CUL9: variants seen among roughly 807,000 people sequenced by gnomAD.
CUL9 encodes the protein cullin-9.
Under a neutral mutation model 272.6 loss-of-function variants are expected in CUL9, and 79 were observed. That is an observed-to-expected ratio of 0.29 (90% CI 0.24 to 0.35). The LOEUF (loss-of-function observed/expected upper bound fraction) is 0.35. Ranked by LOEUF, CUL9 falls within the 10% of genes least tolerant of loss-of-function variation. The probability of loss-of-function intolerance (pLI) is 1.00; values close to 1 mark genes in which losing one functional copy is unlikely to be tolerated. For synonymous variants in CUL9, 1,186 were observed against 1,286.5 expected, an observed-to-expected ratio of 0.92 and a Z score of 1.67; for missense variants, 2,532 against 3,255.6, an observed-to-expected ratio of 0.78 and a Z score of 5.41.
chr6:43,203,154 C>G lies in CUL9; in HGVS notation c.3799C>G (p.Leu1267Val). ...SASRVILLEN[L>V]NRFWPIIQIR... ...CAGCCGGGTGATCCTCTTGGAGAAC[C>G]TGAACCGCTTCTGGCCCATCATCCA... Residue 1267 changes from leucine to valine, a missense_variant, in exon 18 of 41, where the codon CTG (leucine) becomes GTG (valine). Physicochemically the swap from Leu to Val is conservative, Grantham distance 32. Transcript: ENST00000252050. The surrounding 1 kb of genome is among the most constrained non-coding windows in gnomAD (Gnocchi z 5.0). 6.2e-7 allele frequency: 1 copy of G among 1,614,012 alleles called. No individual in the cohort carries two copies. Among genetic ancestry groups the G allele is most frequent in the South Asian group, 1.1e-5 (1 of 91,062 alleles).
chr6:43,221,421 A>C lies in CUL9; in HGVS notation c.6752+100A>C, dbSNP rs113351105. ...GGCTTAGTGTAAAGCTCAGCAAAAG[A>C]GGGTGGTTCCTCAGCCGCCCCTCAC... On this transcript the variant is annotated intron_variant, in intron 34 of 40. Transcript: ENST00000252050. This position sits in a 1 kb window ranked among gnomAD's most constrained non-coding sequence, Gnocchi z 4.2. 2.2e-5 allele frequency: 31 copies of C among 1,399,780 alleles called. 1 individual carries two copies. The African/African-American group carries it at 2.6e-4, about 12-fold the overall frequency. The allele number at this position is 1,399,780 out of a possible 1,614,324, so 86.7% of individuals were successfully genotyped here.
intron 30 of CUL9, 91 bp downstream of exon 30, chr6:43,215,417 C>A: frequency 6.8e-7 from 1 of 1,480,876 alleles, no homozygotes; most frequent in South Asian, 1.4e-5. Flanking sequence ...TCCCTTCTTT[C>A]TTTGTCTGAT....
chr6:43,191,252 T>TTGTGTGTGTGTG (rs58122260), intron 8 of CUL9, among the ~76,000 whole-genome samples: 1,357 of 126,948 alleles, frequency 0.011, 27 homozygotes, highest in African/African-American at 0.028. Context: ...CTAAATTGCA[T>TTGTGTGTGTGTG]TGTGTGTGTG....
Position 43,216,388 on chromosome 6 carries a change from G to A in CUL9, c.6167G>A (p.Cys2056Tyr). ...CCACTGCTGCTGGCAGCTGGGCTGT[G>A]CGTACACCAGGCTCAGGCTGTACCC... ...PEPLLLAAGL[C>Y]VHQAQAVPVR... The change falls in exon 31 of 41, where the codon TGC (cysteine) becomes TAC (tyrosine). Residue 2056 changes from cysteine (C) to tyrosine (Y), a missense_variant. Cys to Tyr is a radical substitution (Grantham distance 194, BLOSUM62 -2). This residue lies in a region of CUL9 where 2,218 missense variants were observed against 2,788.6 expected (regional missense o/e 0.80). Coordinates refer to ENST00000252050, the MANE Select transcript of CUL9 (RefSeq NM_015089.4). 1 of 1,614,126 alleles carries A rather than the reference G, an allele frequency of 6.2e-7. No homozygotes were observed. The highest frequency in any genetic ancestry group is 1.3e-5 in the African/African-American group (1 of 75,048).
At position 43,221,896 on chromosome 6, in the gene CUL9, AG is replaced by A; in HGVS notation, c.6846+119del. 1.1e-6 allele frequency: 1 copy of A among 877,876 alleles called. No individual in the cohort carries two copies. Among genetic ancestry groups the A allele is most frequent in the Non-Finnish European group, 1.7e-6 (1 of 574,994 alleles). 54.4% of individuals were successfully genotyped at this position (877,876 alleles called of 1,614,324 possible). A position where few individuals can be genotyped will look rare whatever the true frequency, so the allele number is the denominator to read the frequency against. On this transcript the variant is annotated intron_variant, in intron 35 of 40. Coordinates refer to ENST00000252050, the MANE Select transcript of CUL9 (RefSeq NM_015089.4). The surrounding 1 kb of genome is among the most constrained non-coding windows in gnomAD (Gnocchi z 4.2). ...AGTGCAGCATTCTAGCTGTTGGGAT[AG>A]AGGCTCACTGTGGGGAAGACAGAGC...
At position 43,186,031 on chromosome 6, in the gene CUL9, G is replaced by A. The variant is rs1343824605; in HGVS notation, c.827G>A (p.Ser276Asn). The part of the protein sequence containing the change: ...VTSLLDQLNS[S>N]PELGAGDQSS... ...TCCCTCCTGGATCAGCTGAATAGCA[G>A]TCCAGAGCTGGGAGCTGGAGACCAA... The change falls in exon 4 of 41, where the codon AGT becomes AAT. Residue 276 changes from serine (S) to asparagine (N), a missense_variant. Physicochemically the swap from Ser to Asn is conservative, Grantham distance 46. Around this residue, in one of 3 missense-constraint regions of CUL9, gnomAD observed 2,218 missense variants for 2,788.6 expected, o/e 0.80. Coordinates refer to ENST00000252050, the MANE Select transcript of CUL9 (RefSeq NM_015089.4). The A allele has an allele frequency of 1.2e-6, 2 of 1,614,262 alleles. No homozygotes were observed. Among genetic ancestry groups the A allele is most frequent in the Non-Finnish European group, 8.5e-7 (1 of 1,180,052 alleles).
chr6:43,194,711 C>T (rs573602933), intron 9 of CUL9, among the ~76,000 whole-genome samples: 2 of 152,174 alleles, frequency 1.3e-5, no homozygotes, highest in South Asian at 2.1e-4. Flanking sequence ...TCTCAAATTA[C>T]GTGACCAAAA....
Position 43,221,062 on chromosome 6 carries a change from C to T in CUL9, c.6589-96C>T. On this transcript the variant is annotated intron_variant, in intron 33 of 40. Coordinates refer to ENST00000252050, the MANE Select transcript of CUL9 (RefSeq NM_015089.4). The surrounding 1 kb of genome is among the most constrained non-coding windows in gnomAD (Gnocchi z 4.2). ...CTCTGTTCCTCTTCCTGGAGCCCTC[C>T]AAATGTGATCTGTGCCTGCTCCCCT... The T allele has an allele frequency of 6.7e-7, 1 of 1,497,360 alleles. No individual in the cohort carries two copies. The highest frequency in any genetic ancestry group is 1.3e-5 in the South Asian group (1 of 78,526). 92.8% of individuals were successfully genotyped at this position (1,497,360 alleles called of 1,614,324 possible).
rs1776383657 is a variant in CUL9 at position 43,221,728 on chromosome 6, C to T, written c.6796C>T (p.Leu2266Phe). The T allele has an allele frequency of 6.2e-7, 1 of 1,613,722 alleles. No individual in the cohort carries two copies. Among genetic ancestry groups the T allele is most frequent in the African/African-American group, 1.3e-5 (1 of 74,946 alleles). ...TAACCATGGATTCTGCTGGCGCTGC[C>T]TCAAGTCCTGGAAGCCAAATCACAA... ...KCNHGFCWRC[L>F]KSWKPNHKDY... Residue 2266 changes from leucine to phenylalanine, a missense_variant, in exon 35 of 41, where the codon CTC (leucine) becomes TTC (phenylalanine). Leu to Phe is a conservative substitution (Grantham distance 22, BLOSUM62 0). This residue lies in a region of CUL9 where 77 missense variants were observed against 161.1 expected (regional missense o/e 0.48). Coordinates refer to ENST00000252050, the MANE Select transcript of CUL9 (RefSeq NM_015089.4). The surrounding 1 kb of genome is among the most constrained non-coding windows in gnomAD (Gnocchi z 4.2).
chr6:43,201,695 G>A (rs1038464570), intron 16 of CUL9, among the ~76,000 whole-genome samples: 17 of 152,282 alleles, frequency 1.1e-4, no homozygotes, highest in African/African-American at 3.4e-4. Flanking sequence ...TAGTCAGGAT[G>A]GTCTCGATCT....
chr6:43,189,019 T>C, intron 8 of CUL9: 1 of 225,804 alleles, frequency 4.4e-6, no homozygotes, highest in East Asian at 9.5e-5. Flanking sequence ...GCTTAGAGAA[T>C]TTAAGTAACT....
chr6:43,206,650 T>C lies in CUL9; in HGVS notation c.5212+140T>C. The C allele has an allele frequency of 1.5e-6, 1 of 682,748 alleles. No homozygotes were observed. Among genetic ancestry groups the C allele is most frequent in the Non-Finnish European group, 2.4e-6 (1 of 410,998 alleles). The allele number at this position is 682,748 out of a possible 1,614,324, so 42.3% of individuals were successfully genotyped here. On this transcript the variant is annotated intron_variant, in intron 26 of 40. Transcript: ENST00000252050. The surrounding 1 kb of genome is among the most constrained non-coding windows in gnomAD (Gnocchi z 4.8). ...GCGAGGGATGAGAAAGCATGGGTTG[T>C]AGTTTCATTAATTTCTGCTCTCATC... is the stretch of plus-strand genomic sequence containing the variant.
In CUL9 at chr6:43,221,498, G is replaced by T; in HGVS notation, c.6752+177G>T. The T allele has an allele frequency of 2.2e-6, 2 of 893,512 alleles. No homozygotes were observed. The highest frequency in any genetic ancestry group is 3.4e-6 in the Non-Finnish European group (2 of 596,816). 55.3% of individuals were successfully genotyped at this position (893,512 alleles called of 1,614,324 possible). A position where few individuals can be genotyped will look rare whatever the true frequency, so the allele number is the denominator to read the frequency against. On this transcript the variant is annotated intron_variant, in intron 34 of 40. Coordinates refer to ENST00000252050, the MANE Select transcript of CUL9 (RefSeq NM_015089.4). This position sits in a 1 kb window ranked among gnomAD's most constrained non-coding sequence, Gnocchi z 4.2. ...GATCTTAATGTTCCTTCTCCCACTCGTAAGTCCACACTGACTGGGGGAGTT... is the reference window on the plus strand; with the variant it reads ...GATCTTAATGTTCCTTCTCCCACTCTTAAGTCCACACTGACTGGGGGAGTT...
At position 43,186,134 on chromosome 6, in the gene CUL9, C is replaced by T. The variant is rs151050685; in HGVS notation, c.930C>T (p.Ile310=). Residue 310 remains isoleucine, a synonymous_variant, in exon 4 of 41, where the codon ATC becomes ATT. Transcript: ENST00000252050. ...TCAGCATGGCTGTGGGCAACCTCAT[C>T]TCTGAGCTTGTGCGGAGCATGGGCT... ...LEFSMAVGNL[I]SELVRSMGWA... The T allele has an allele frequency of 6.2e-7, 1 of 1,614,124 alleles. No homozygotes were observed. The highest frequency in any genetic ancestry group is 8.5e-7 in the Non-Finnish European group (1 of 1,180,050).
chr6:43,201,666 A>T (rs999071618), intron 16 of CUL9, among the ~76,000 whole-genome samples: 2 of 152,090 alleles, frequency 1.3e-5, no homozygotes, highest in African/African-American at 4.8e-5. Flanking sequence ...TTTTTAGTAG[A>T]GACGGGGTTT....
Position 43,187,446 on chromosome 6 carries a change from T to G in CUL9, c.1581+7T>G, listed in dbSNP as rs1337092353. ...TTGGAAGAACCTGGATGAGGTATTA[T>G]AGGTCTGAGATACCTGGGGGTTTTC... On this transcript the variant is annotated splice_region_variant and intron_variant, in intron 6 of 40. Coordinates refer to ENST00000252050, the MANE Select transcript of CUL9 (RefSeq NM_015089.4). 1 of 1,613,414 alleles carries G rather than the reference T, an allele frequency of 6.2e-7. No individual in the cohort carries two copies. The highest frequency in any genetic ancestry group is 1.3e-5 in the African/African-American group (1 of 74,982).
Position 43,213,599 on chromosome 6 carries a change from C to T in CUL9, c.5488+32C>T, listed in dbSNP as rs1196508703. 6.2e-7 allele frequency: 1 copy of T among 1,606,870 alleles called. No homozygotes were observed. The highest frequency in any genetic ancestry group is 8.5e-7 in the Non-Finnish European group (1 of 1,175,926). On this transcript the variant is annotated intron_variant, in intron 28 of 40. Transcript: ENST00000252050. This position sits in a 1 kb window ranked among gnomAD's most constrained non-coding sequence, Gnocchi z 5.7. ...CATTGGGGGCCGGGCTGAGCCTCTG[C>T]TGCTGGTCGGGGGGTCGCCCTCAAG...
intron 8 of CUL9, 102 bp downstream of exon 8, chr6:43,188,817 G>T (rs930076539): frequency 3.6e-5 from 36 of 1,009,006 alleles, no homozygotes; most frequent in Middle Eastern, 3.3e-4. Context: ...AAAGCTTGGG[G>T]TGAGGGAAGG....
chr6:43,220,899 T>C lies in CUL9; in HGVS notation c.6576T>C (p.Cys2192=), dbSNP rs1776308782. Residue 2192 remains cysteine (C), a synonymous_variant, in exon 33 of 41, where the codon TGT becomes TGC. Transcript: ENST00000252050. The surrounding 1 kb of genome is among the most constrained non-coding windows in gnomAD (Gnocchi z 4.9). Reference sequence around the variant, plus strand: ...GTGGCTGGGCCTCTTGCTTCAACTGTAGCTTCCCTGAGGTGGGAGCCCCAC... The same window carrying C: ...GTGGCTGGGCCTCTTGCTTCAACTGCAGCTTCCCTGAGGTGGGAGCCCCAC... The part of the protein sequence containing the change: ...SKCGWASCFN[C]SFPEAHYPAS... 1.2e-6 allele frequency: 2 copies of C among 1,611,598 alleles called. No individual in the cohort carries two copies. Among genetic ancestry groups the C allele is most frequent in the Non-Finnish European group, 1.7e-6 (2 of 1,178,994 alleles).
Sources: allele counts gnomAD v4.1 joint callset (sites outside exome capture counted in the v4.1 genomes callset), GRCh38; gene constraint gnomAD v4.1.1; regional missense constraint gnomAD v4.1.1; non-coding constraint Gnocchi (gnomAD v3.1); transcripts MANE v1.5; gene names NCBI Gene and HGNC (gene_info 2026-07-23, HGNC 2026-07-21).